The following SLC39A11 variants were observed in gnomAD, a reference collection of about 807,000 sequenced individuals.
SLC39A11 encodes the protein zinc transporter ZIP11.
SLC39A11 carries 33 observed loss-of-function variants against 36.1 expected under a neutral mutation model. That is an observed-to-expected ratio of 0.91 (90% CI 0.69 to 1.22). The LOEUF is 1.22. SLC39A11 is among the 50% of genes most tolerant of loss of function. The pLI, the probability that SLC39A11 is intolerant of heterozygous loss-of-function variation, is 0.00. For synonymous variants in SLC39A11, 166 were observed against 170.3 expected (o/e 0.97, Z 0.20); for missense variants, 432 against 430.3 (o/e 1.00, Z -0.03).
At chr17:72,907,859 T>C (rs1598372189) in intron 5 of SLC39A11, among the ~76,000 whole-genome samples, 1 of 152,104 alleles carries the variant, frequency 6.6e-6, no homozygotes, top group Non-Finnish European at 1.5e-5. Context: ...GTGCACAGCA[T>C]GGGGCAGTCA....
intron 2 of SLC39A11, 63 bp downstream of exon 2, chr17:73,088,594 G>C: frequency 7.6e-7 from 1 of 1,320,560 alleles, no homozygotes; most frequent in Non-Finnish European, 1.1e-6. Context: ...CCATGGAGTG[G>C]GACAGTGCCC....
chr17:72,690,115 A>G (rs2071955108), intron 7 of SLC39A11, among the ~76,000 whole-genome samples: 1 of 152,218 alleles, frequency 6.6e-6, no homozygotes, highest in South Asian at 2.1e-4. Flanking sequence ...GCGCTGGGGC[A>G]AGCGAGGCCC....
intron 6 of SLC39A11, among the ~76,000 whole-genome samples, chr17:72,779,639 C>T (rs1443106851): frequency 6.6e-6 from 1 of 152,140 alleles, no homozygotes; most frequent in Non-Finnish European, 1.5e-5. Context: ...CAAAAACCTC[C>T]ACCTTCACCC....
At position 72,705,283 on chromosome 17, in the gene SLC39A11, C is replaced by A. The variant is rs909213788; in HGVS notation, c.671+31367G>T. Among the ~76,000 whole-genome samples the A allele has an allele frequency of 2.6e-5, 4 of 152,166 alleles. 1 individual carries two copies. In the South Asian group the frequency reaches 6.2e-4, roughly 24 times the overall value. On this transcript the variant is annotated intron_variant, in intron 7 of 9. Coordinates refer to ENST00000255559, the MANE Select transcript of SLC39A11 (RefSeq NM_139177.4). ...GTGGGGAAAAGGCGGTTATCAAGGT[C>A]CTGCTCCCTCTCCCCCAACCTTTAT...
Position 72,794,458 on chromosome 17 carries a change from CTTCGT to C in SLC39A11, c.601+55171_601+55175del, listed in dbSNP as rs368157687. Among the ~76,000 whole-genome samples, 7 of 152,096 alleles carry C rather than the reference CTTCGT, an allele frequency of 4.6e-5. No homozygotes were observed. The East Asian group carries it at 1.2e-3, about 25-fold the overall frequency. ...ATAATATTGTTCCCCTGACTGAAGC[CTTCGT>C]TTCTTCTCATCACTCTAAAGATGAA... On this transcript the variant is annotated intron_variant, in intron 6 of 9. Coordinates refer to ENST00000255559, the MANE Select transcript of SLC39A11 (RefSeq NM_139177.4).
chr17:72,909,253 A>T (rs190072408), intron 5 of SLC39A11, among the ~76,000 whole-genome samples: 1 of 152,346 alleles, frequency 6.6e-6, no homozygotes, highest in African/African-American at 2.4e-5. Context: ...TACAGGCGTC[A>T]GCCATTGCAT....
intron 4 of SLC39A11, among the ~76,000 whole-genome samples, chr17:73,000,294 TTCTC>T (rs1221124032): frequency 9.8e-5 from 14 of 143,576 alleles, no homozygotes; most frequent in East Asian, 6.3e-4. Context: ...TCTCTCTGCC[TTCTC>T]TCTCTCTCTC....
intron 6 of SLC39A11, among the ~76,000 whole-genome samples, chr17:72,827,654 T>A (rs558197738): frequency 3.9e-5 from 6 of 152,304 alleles, no homozygotes; most frequent in African/African-American, 1.4e-4. Context: ...ATGAGTTTGA[T>A]ATGAAGGAAA....
intron 5 of SLC39A11, among the ~76,000 whole-genome samples, chr17:72,932,525 C>G (rs980365678): frequency 6.7e-6 from 1 of 149,428 alleles, no homozygotes; most frequent in Non-Finnish European, 1.5e-5. Context: ...GTATGGATTC[C>G]TCCATATCCC....
At chr17:72,708,959 G>A (rs1215987006) in intron 7 of SLC39A11, among the ~76,000 whole-genome samples, 6 of 147,440 alleles carry the variant, frequency 4.1e-5, no homozygotes, top group African/African-American at 1.3e-4. Context: ...TTTTTGAGAC[G>A]GAGTCTCGCG....
At chr17:72,845,614 C>T (rs2079013078) in intron 6 of SLC39A11, among the ~76,000 whole-genome samples, 1 of 152,172 alleles carries the variant, frequency 6.6e-6, no homozygotes. Flanking sequence ...ATATAAAATT[C>T]ATTTATTATG....
At chr17:73,062,475 A>AAAAAAAAACAAAAAAAAAAAC (rs56021607) in intron 3 of SLC39A11, among the ~76,000 whole-genome samples, 1 of 87,034 alleles carries the variant, frequency 1.1e-5, no homozygotes, top group African/African-American at 4.6e-5. Context: ...AAAAAAAAAA[A>AAAAAAAAACAAAAAAAAAAAC]AAACTTTAGG....
At chr17:72,752,119 C>T (rs982567089) in intron 6 of SLC39A11, among the ~76,000 whole-genome samples, 7 of 152,166 alleles carry the variant, frequency 4.6e-5, no homozygotes, top group East Asian at 3.8e-4. Flanking sequence ...TAACCTCCTA[C>T]GGGATGTGTG....
intron 5 of SLC39A11, among the ~76,000 whole-genome samples, chr17:72,876,370 T>G (rs185332391): frequency 6.6e-6 from 1 of 152,322 alleles, no homozygotes; most frequent in Admixed American, 6.5e-5. Context: ...TGTTGTTAAG[T>G]TCCAAAAGTT....
At chr17:73,044,268 C>CA (rs2059199046) in intron 3 of SLC39A11, among the ~76,000 whole-genome samples, 1 of 152,178 alleles carries the variant, frequency 6.6e-6, no homozygotes, top group South Asian at 2.1e-4. Context: ...GCTTTATTCA[C>CA]AGTAGCCCCA....
At position 73,030,216 on chromosome 17, in the gene SLC39A11, C is replaced by T. The variant is rs181240700; in HGVS notation, c.306+1340G>A. Among the ~76,000 whole-genome samples, 170 of 152,280 alleles carry T rather than the reference C, an allele frequency of 1.1e-3. 2 individuals carry two copies. Among genetic ancestry groups the T allele is most frequent in the African/African-American group, 3.9e-3 (162 of 41,560 alleles). ...GGCTGCCCACCTCCTGCTATGTGGC[C>T]CAGCTCCTAACAAGCCATTGACCAG... On this transcript the variant is annotated intron_variant, in intron 4 of 9. Coordinates refer to ENST00000255559, the MANE Select transcript of SLC39A11 (RefSeq NM_139177.4).
intron 5 of SLC39A11, among the ~76,000 whole-genome samples, chr17:72,904,911 C>T (rs182756461): frequency 9.2e-5 from 14 of 152,076 alleles, no homozygotes; most frequent in African/African-American, 7.2e-5. Context: ...CAGTGGCTCA[C>T]GCCTGTAATC....
Position 72,782,712 on chromosome 17 carries a change from A to AC in SLC39A11, c.602-45994_602-45993insG, listed in dbSNP as rs1318124710. Among the ~76,000 whole-genome samples, 11 of 126,430 alleles carry AC rather than the reference A, an allele frequency of 8.7e-5. 2 individuals carry two copies. The highest frequency in any genetic ancestry group is 2.5e-4 in the Admixed American group (3 of 11,872). 82.9% of individuals were successfully genotyped at this position (126,430 alleles called of 152,430 possible). A position where few individuals can be genotyped will look rare whatever the true frequency, so the allele number is the denominator to read the frequency against. ...CAAAAAAAAAAAAAAAAAAAAAAAA[A>AC]AAAGCAGGCCCAGCACAGTGGCTTA... On this transcript the variant is annotated intron_variant, in intron 6 of 9. Coordinates refer to ENST00000255559, the MANE Select transcript of SLC39A11 (RefSeq NM_139177.4).
At chr17:72,667,723 T>C (rs2070820880) in intron 7 of SLC39A11, among the ~76,000 whole-genome samples, 1 of 152,226 alleles carries the variant, frequency 6.6e-6, no homozygotes. Flanking sequence ...ATAGCAACCA[T>C]GGCAGGAACA....
Sources: gnomAD v4.1 joint callset for allele counts (sites outside exome capture counted in the v4.1 genomes callset) on GRCh38, gnomAD v4.1.1 for gene constraint, MANE v1.5 for transcripts, NCBI Gene and HGNC (gene_info 2026-07-23, HGNC 2026-07-21) for gene names.